TSPAN5: variants seen among roughly 807,000 people sequenced by gnomAD.
TSPAN5 encodes tetraspanin 5, also known as tetraspanin-5.
Under a neutral mutation model 37.1 loss-of-function variants are expected in TSPAN5, and 10 were observed. The ratio of observed to expected loss-of-function variants is 0.27; its 90% CI spans 0.17 to 0.46. The LOEUF (loss-of-function observed/expected upper bound fraction) is 0.46. Ranked by LOEUF, TSPAN5 falls within the 20% of genes least tolerant of loss-of-function variation. The probability of loss-of-function intolerance (pLI) is 1.00; values close to 1 mark genes in which losing one functional copy is unlikely to be tolerated. For missense variants in TSPAN5, 195 were observed against 326.6 expected (o/e 0.60, Z 3.11); for synonymous variants, 110 against 118.9 (o/e 0.93, Z 0.48).
At chr4:98,610,920 C>T (rs868118339) in intron 1 of TSPAN5, among the ~76,000 whole-genome samples, 2 of 152,276 alleles carry the variant, frequency 1.3e-5, no homozygotes, top group Middle Eastern at 3.4e-3. Flanking sequence ...CAGGTATAGA[C>T]TATATTTCCT....
intron 1 of TSPAN5, among the ~76,000 whole-genome samples, chr4:98,582,066 G>A (rs1755380681): frequency 6.6e-6 from 1 of 152,288 alleles, no homozygotes; most frequent in South Asian, 2.1e-4. Context: ...ATGGGCTGTA[G>A]GGAAATGGAG....
At chr4:98,541,129 C>T (rs1220642499) in intron 1 of TSPAN5, among the ~76,000 whole-genome samples, 2 of 152,136 alleles carry the variant, frequency 1.3e-5, no homozygotes, top group Admixed American at 6.5e-5. Flanking sequence ...CTTGTTGGTG[C>T]TCAGCTGGCC....
intron 1 of TSPAN5, among the ~76,000 whole-genome samples, chr4:98,545,253 C>T (rs761565634): frequency 6.6e-6 from 1 of 152,168 alleles, no homozygotes; most frequent in Non-Finnish European, 1.5e-5. Context: ...AAGAAGCCAA[C>T]AGAGAAAGGC....
intron 2 of TSPAN5, among the ~76,000 whole-genome samples, chr4:98,506,227 T>C (rs1392868799): frequency 4.6e-5 from 7 of 152,198 alleles, no homozygotes; most frequent in Non-Finnish European, 8.8e-5. Flanking sequence ...ACTTCCCAGA[T>C]TCCACAAATT....
chr4:98,616,390 A>G (rs1408883592), intron 1 of TSPAN5, among the ~76,000 whole-genome samples: 1 of 152,192 alleles, frequency 6.6e-6, no homozygotes, highest in Non-Finnish European at 1.5e-5. Context: ...CTACCTTGAA[A>G]TAATGCTTAG....
rs371373013 is a variant in TSPAN5 at position 98,562,661 on chromosome 4, A to AAAAACAAAAC, written c.82-54943_82-54934dup. 1.7e-3 allele frequency among the ~76,000 whole-genome samples: 255 copies of AAAAACAAAAC among 151,132 alleles called. 1 individual carries two copies. The highest frequency in any genetic ancestry group is 0.011 in the East Asian group (57 of 5,150). ...GGCAACACAGCGAGACTCTGTCTCA[A>AAAAACAAAAC]AAAACAAAACAAAACAAAACAAAAC... On this transcript the variant is annotated intron_variant, in intron 1 of 7. Transcript: ENST00000305798.
Position 98,630,516 on chromosome 4 carries a change from C to G in TSPAN5, c.81+27630G>C, listed in dbSNP as rs147786695. Among the ~76,000 whole-genome samples the G allele has an allele frequency of 1.3e-4, 20 of 152,296 alleles. 1 individual carries two copies. In the East Asian group the frequency reaches 2.9e-3, roughly 22 times the overall value. On this transcript the variant is annotated intron_variant, in intron 1 of 7. Transcript: ENST00000305798. ...CCATCTTGTATTGTCATCCGAGGCA[C>G]GCATATTCCCTAAACATCCCTGGAT...
At chr4:98,523,179 T>C (rs1028408135) in intron 1 of TSPAN5, among the ~76,000 whole-genome samples, 8 of 152,260 alleles carry the variant, frequency 5.3e-5, no homozygotes, top group Non-Finnish European at 1.2e-4. Flanking sequence ...AAACTATCCA[T>C]GTGTGTGCAC....
intron 1 of TSPAN5, among the ~76,000 whole-genome samples, chr4:98,633,152 A>C (rs902477543): frequency 6.6e-6 from 1 of 152,212 alleles, no homozygotes; most frequent in African/African-American, 2.4e-5. Flanking sequence ...GCCAGAAAAT[A>C]AAAGGGCCAG....
intron 1 of TSPAN5, among the ~76,000 whole-genome samples, chr4:98,530,388 C>T (rs575621810): frequency 1.3e-5 from 2 of 152,336 alleles, no homozygotes; most frequent in Admixed American, 6.5e-5. Flanking sequence ...ACAATGATAT[C>T]CCCATCATAC....
At chr4:98,610,842 G>C (rs10428298) in intron 1 of TSPAN5, among the ~76,000 whole-genome samples, 75,848 of 151,852 alleles carry the variant, frequency 0.5, 19,278 homozygotes, top group South Asian at 0.59. Flanking sequence ...CATCCTCCCC[G>C]CTACTCTTTT....
intron 1 of TSPAN5, among the ~76,000 whole-genome samples, chr4:98,557,847 A>G (rs1043046514): frequency 1.3e-5 from 2 of 152,218 alleles, no homozygotes; most frequent in Admixed American, 1.3e-4. Context: ...CATGAGAAAA[A>G]CAACAGACAA....
At position 98,621,398 on chromosome 4, in the gene TSPAN5, C is replaced by T. The variant is rs570279817; in HGVS notation, c.81+36748G>A. Among the ~76,000 whole-genome samples the T allele has an allele frequency of 6.6e-3, 951 of 143,124 alleles. 6 individuals carry two copies. The highest frequency in any genetic ancestry group is 9.5e-3 in the Non-Finnish European group (632 of 66,578). 93.9% of individuals were successfully genotyped at this position (143,124 alleles called of 152,430 possible). A position where few individuals can be genotyped will look rare whatever the true frequency, so the allele number is the denominator to read the frequency against. ...TTTTTTTTTTTTTGAGACAGAGTCT[C>T]GCTCTGTCTCCCAGGCTGGAATGCA... On this transcript the variant is annotated intron_variant, in intron 1 of 7. Coordinates refer to ENST00000305798, the MANE Select transcript of TSPAN5 (RefSeq NM_005723.4).
intron 1 of TSPAN5, among the ~76,000 whole-genome samples, chr4:98,632,647 C>A (rs1756773367): frequency 6.6e-6 from 1 of 152,190 alleles, no homozygotes; most frequent in Non-Finnish European, 1.5e-5. Flanking sequence ...TGGAAGTTGA[C>A]TGCCTAGCGC....
At chr4:98,639,610 T>G (rs1311783295) in intron 1 of TSPAN5, among the ~76,000 whole-genome samples, 2 of 151,630 alleles carry the variant, frequency 1.3e-5, no homozygotes, top group Non-Finnish European at 2.9e-5. Context: ...GCATAAGCCA[T>G]CTCACCTGGT....
intron 1 of TSPAN5, among the ~76,000 whole-genome samples, chr4:98,575,078 G>C (rs989380629): frequency 1.8e-4 from 28 of 152,274 alleles, no homozygotes; most frequent in African/African-American, 6.3e-4. Context: ...GAAGGAAACA[G>C]AGTCTTGTGA....
intron 1 of TSPAN5, among the ~76,000 whole-genome samples, chr4:98,551,309 T>C (rs1305241684): frequency 6.6e-6 from 1 of 152,086 alleles, no homozygotes; most frequent in Non-Finnish European, 1.5e-5. Context: ...TTTACATATA[T>C]TTTCATCAGG....
intron 2 of TSPAN5, among the ~76,000 whole-genome samples, chr4:98,497,948 G>C (rs906969309): frequency 6.6e-6 from 1 of 152,304 alleles, no homozygotes; most frequent in Middle Eastern, 3.4e-3. Flanking sequence ...GCGAGGCTGG[G>C]TTTGTATCTG....
chr4:98,488,512 A>G (rs1753021334), intron 2 of TSPAN5, among the ~76,000 whole-genome samples: 1 of 152,220 alleles, frequency 6.6e-6, no homozygotes, highest in Admixed American at 6.5e-5. Context: ...TTGAAAGGCT[A>G]TTAAAGCAGT....
Sources: gnomAD v4.1 joint callset for allele counts (sites outside exome capture counted in the v4.1 genomes callset) on GRCh38, gnomAD v4.1.1 for gene constraint, MANE v1.5 for transcripts, NCBI Gene and HGNC (gene_info 2026-07-23, HGNC 2026-07-21) for gene names.